E2F3: variants seen among roughly 807,000 people sequenced by gnomAD.
E2F3 encodes the protein transcription factor E2F3.
E2F3 carries 11 observed loss-of-function variants against 44.4 expected under a neutral mutation model. That is an observed-to-expected ratio of 0.25 (90% CI 0.16 to 0.41). The LOEUF (loss-of-function observed/expected upper bound fraction) is 0.41. Among genes scored for constraint, E2F3 ranks in the 10% least tolerant of loss-of-function variants. The probability of loss-of-function intolerance (pLI) is 1.00; values close to 1 mark genes in which losing one functional copy is unlikely to be tolerated. For missense variants in E2F3, 487 were observed against 583.6 expected (o/e 0.83, Z 1.70); for synonymous variants, 249 against 253.0 (o/e 0.98, Z 0.15).
rs1420858151 is a variant in E2F3, at chr6:20,479,872, A to G, written c.420A>G (p.Glu140=). The G allele has an allele frequency of 6.8e-6, 11 of 1,612,624 alleles. No individual in the cohort carries two copies. Among genetic ancestry groups the G allele is most frequent in the Non-Finnish European group, 1.7e-6 (2 of 1,179,430 alleles). The change falls in exon 2 of 7, where the codon GAA becomes GAG. Residue 140 remains glutamate, a synonymous_variant. Coordinates refer to ENST00000346618, the MANE Select transcript of E2F3 (RefSeq NM_001949.5). ...PPAKRRLELG[E]SGHQYLSDGL... is the part of the protein sequence containing the mutation. ...CAAAGCGAAGGCTGGAGCTAGGAGAAAGCGGTCATCAGTACCTCTCAGATG... is the reference window on the plus strand; with the variant it reads ...CAAAGCGAAGGCTGGAGCTAGGAGAGAGCGGTCATCAGTACCTCTCAGATG...
At chr6:20,413,608 G>A (rs1759745992) in intron 1 of E2F3, among the ~76,000 whole-genome samples, 1 of 152,178 alleles carries the variant, frequency 6.6e-6, no homozygotes, top group Non-Finnish European at 1.5e-5. Context: ...GAGCTCAGGA[G>A]GTCAAAGTGG....
chr6:20,411,826 T>C (rs1194435649), intron 1 of E2F3, among the ~76,000 whole-genome samples: 1 of 152,208 alleles, frequency 6.6e-6, no homozygotes, highest in East Asian at 1.9e-4. Context: ...TAACACCTCA[T>C]GGTCTGCCTC....
intron 1 of E2F3, among the ~76,000 whole-genome samples, chr6:20,465,229 G>A (rs1761661165): frequency 6.6e-6 from 1 of 152,184 alleles, no homozygotes; most frequent in South Asian, 2.1e-4. Flanking sequence ...TCTTTTTCTT[G>A]ATTAATCTGC....
In E2F3 at chr6:20,456,260, C is replaced by T. The variant is rs1054276919; in HGVS notation, c.394-23586C>T. The stretch of plus-strand genomic sequence containing the variant: ...CTACACTTTGTACAGATGAAGAAAC[C>T]GAGACCCAGGGAACTCAACCAAGGT... On this transcript the variant is annotated intron_variant, in intron 1 of 6. Transcript: ENST00000346618. Among the ~76,000 whole-genome samples, 3 of 150,964 alleles carry T rather than the reference C, an allele frequency of 2.0e-5. No individual in the cohort carries two copies. The East Asian group carries it at 5.8e-4, about 29-fold the overall frequency.
intron 1 of E2F3, among the ~76,000 whole-genome samples, chr6:20,438,790 C>G (rs538555181): frequency 6.6e-6 from 1 of 152,164 alleles, no homozygotes; most frequent in Admixed American, 6.5e-5. Flanking sequence ...GTTAAGTTAG[C>G]CAGATAATTG....
In E2F3 at chr6:20,481,323, C is replaced by T; in HGVS notation, c.623C>T (p.Ala208Val). ...GGGGTATTGGATTTGAACAAGGCAG[C>T]AGAAGTGCTAAAAGTGCAAAAGAGA... Reference protein sequence around the residue: ...PDGVLDLNKAAEVLKVQKRRI... With the variant: ...PDGVLDLNKAVEVLKVQKRRI... Residue 208 changes from alanine (A) to valine (V), a missense_variant, in exon 3 of 7, where the codon GCA becomes GTA. Ala to Val is a moderately conservative substitution (Grantham distance 64). This residue lies in a region of E2F3 where 29 missense variants were observed against 85.9 expected (regional missense o/e 0.34). Transcript: ENST00000346618. 6.2e-7 allele frequency: 1 copy of T among 1,614,052 alleles called. No homozygotes were observed. Among genetic ancestry groups the T allele is most frequent in the Non-Finnish European group, 8.5e-7 (1 of 1,180,016 alleles).
chr6:20,402,538 G>A lies in E2F3; in HGVS notation c.306G>A (p.Thr102=), dbSNP rs780221766. ...CCGCCGGCAGCCTCCTCTACACCACGCCGCACGGACCCTCCAGCAGAGCCG... is the reference window on the plus strand; with the variant it reads ...CCGCCGGCAGCCTCCTCTACACCACACCGCACGGACCCTCCAGCAGAGCCG... The part of the protein sequence containing the change: ...EQTAGSLLYT[T]PHGPSSRAGL... The change falls in exon 1 of 7, where the codon ACG becomes ACA. Residue 102 remains threonine (T), a synonymous_variant. Transcript: ENST00000346618. This position sits in a 1 kb window ranked among gnomAD's most constrained non-coding sequence, Gnocchi z 5.6. The A allele has an allele frequency of 1.9e-6, 3 of 1,594,708 alleles. No homozygotes were observed. Among genetic ancestry groups the A allele is most frequent in the Admixed American group, 3.4e-5 (2 of 59,590 alleles).
chr6:20,441,072 G>A (rs1440973972), intron 1 of E2F3, among the ~76,000 whole-genome samples: 1 of 152,136 alleles, frequency 6.6e-6, no homozygotes, highest in Non-Finnish European at 1.5e-5. Context: ...AGTAGCATTG[G>A]CTACATTTAC....
intron 1 of E2F3, among the ~76,000 whole-genome samples, chr6:20,461,302 G>T (rs1445278896): frequency 1.3e-5 from 2 of 152,026 alleles, no homozygotes; most frequent in African/African-American, 4.8e-5. Flanking sequence ...GACCATCCTG[G>T]CTAACATGGT....
chr6:20,443,204 A>G (rs1017102099), intron 1 of E2F3, among the ~76,000 whole-genome samples: 2 of 152,130 alleles, frequency 1.3e-5, no homozygotes, highest in African/African-American at 4.8e-5. Context: ...CTCAAAGTCC[A>G]CGGCTGCCCC....
chr6:20,420,051 A>G (rs887047497), intron 1 of E2F3, among the ~76,000 whole-genome samples: 1 of 152,154 alleles, frequency 6.6e-6, no homozygotes, highest in Non-Finnish European at 1.5e-5. Flanking sequence ...TTTTTTGTAG[A>G]GATGAGGTTT....
chr6:20,474,913 C>T (rs1199183077), intron 1 of E2F3, among the ~76,000 whole-genome samples: 1 of 152,214 alleles, frequency 6.6e-6, no homozygotes, highest in African/African-American at 2.4e-5. Context: ...GATAACCCAA[C>T]GGGAACCTCC....
chr6:20,490,235 C>T lies in E2F3; in HGVS notation c.1203C>T (p.Ala401=), dbSNP rs1313494240. ...SVSMGNLSPL[A]SPANLLQQTE... is the part of the protein sequence containing the mutation. Reference sequence around the variant, plus strand: ...CTATGGGAAACCTTTCTCCTCTGGCCTCCCCAGCCAACCTCTTACAGCAGA... The same window carrying T: ...CTATGGGAAACCTTTCTCCTCTGGCTTCCCCAGCCAACCTCTTACAGCAGA... The change falls in exon 7 of 7, where the codon GCC becomes GCT. Residue 401 remains alanine (A), a synonymous_variant. Transcript: ENST00000346618. The surrounding 1 kb of genome is among the most constrained non-coding windows in gnomAD (Gnocchi z 4.3). 6.2e-7 allele frequency: 1 copy of T among 1,614,146 alleles called. No homozygotes were observed. The highest frequency in any genetic ancestry group is 1.7e-5 in the Admixed American group (1 of 60,020).
chr6:20,468,612 A>G (rs560290985), intron 1 of E2F3, among the ~76,000 whole-genome samples: 6 of 152,196 alleles, frequency 3.9e-5, no homozygotes, highest in Non-Finnish European at 2.9e-5. Flanking sequence ...ATTGGGGATC[A>G]ACTTAACCTT....
At position 20,492,528 on chromosome 6, in the gene E2F3, A is replaced by G. The variant is rs1009971341; in HGVS notation, c.*2098A>G. On this transcript the variant is annotated 3_prime_UTR_variant, in exon 7 of 7. Coordinates refer to ENST00000346618, the MANE Select transcript of E2F3 (RefSeq NM_001949.5). ...TATGCCAAGCTTTTCCCCATTTCCCATATTTATCTCATCTGGTTAGCTGCC... is the reference window on the plus strand; with the variant it reads ...TATGCCAAGCTTTTCCCCATTTCCCGTATTTATCTCATCTGGTTAGCTGCC... The G allele has an allele frequency of 2.1e-5, 5 of 233,124 alleles. No homozygotes were observed. Among genetic ancestry groups the G allele is most frequent in the Non-Finnish European group, 3.4e-5 (4 of 117,776 alleles). The allele number at this position is 233,124 out of a possible 1,614,324, so 14.4% of individuals were successfully genotyped here.
intron 1 of E2F3, among the ~76,000 whole-genome samples, chr6:20,405,981 C>T (rs1759482130): frequency 6.6e-6 from 1 of 152,106 alleles, no homozygotes; most frequent in African/African-American, 2.4e-5. Context: ...TGTTGATATT[C>T]TTTCCCTAAG....
At position 20,493,440 on chromosome 6, in the gene E2F3, G is replaced by A. The variant is rs568666935; in HGVS notation, c.*3010G>A. ...AGGGTGTGGGAATTTCTTTTCCTAC[G>A]GGGTACGTGATTTTGTAAAAAGGAA... On this transcript the variant is annotated 3_prime_UTR_variant, in exon 7 of 7. Transcript: ENST00000346618. 3.1e-5 allele frequency: 7 copies of A among 227,276 alleles called. No homozygotes were observed. The highest frequency in any genetic ancestry group is 1.8e-4 in the South Asian group (1 of 5,482). The allele number at this position is 227,276 out of a possible 1,614,324, so 14.1% of individuals were successfully genotyped here. A position where few individuals can be genotyped will look rare whatever the true frequency, so the allele number is the denominator to read the frequency against.
chr6:20,409,316 G>T (rs1759592112), intron 1 of E2F3, among the ~76,000 whole-genome samples: 1 of 152,032 alleles, frequency 6.6e-6, no homozygotes, highest in Non-Finnish European at 1.5e-5. Flanking sequence ...TAAATGAAAG[G>T]GAATTATTTA....
intron 3 of E2F3, 151 bp downstream of exon 3, chr6:20,481,576 G>C (rs1168833984): frequency 1.4e-6 from 1 of 701,930 alleles, no homozygotes. Flanking sequence ...TCCCTCCTCA[G>C]CTTCTAAGCC....
Sources: gnomAD v4.1 joint callset for allele counts (sites outside exome capture counted in the v4.1 genomes callset) on GRCh38, gnomAD v4.1.1 for gene constraint, gnomAD v4.1.1 regional missense constraint, Gnocchi (gnomAD v3.1) non-coding constraint, MANE v1.5 for transcripts, NCBI Gene and HGNC (gene_info 2026-07-23, HGNC 2026-07-21) for gene names.